Variants in SCLT1 observed in about 807,000 individuals in gnomAD.
SCLT1 encodes sodium channel-associated protein 1.
Under a neutral mutation model 112.8 loss-of-function variants are expected in SCLT1, and 78 were observed. That is an observed-to-expected ratio of 0.69 (90% CI 0.58 to 0.83). The LOEUF is 0.83. SCLT1 is among the 40% of genes least tolerant of loss of function. SCLT1 has a pLI of 0.00. For synonymous variants in SCLT1, 257 were observed against 254.7 expected, an observed-to-expected ratio of 1.01 and a Z score of -0.09; for missense variants, 747 against 770.4, an observed-to-expected ratio of 0.97 and a Z score of 0.36.
rs766401248 is a variant in SCLT1 at position 128,999,779 on chromosome 4, C to T, written c.442G>A (p.Val148Met). ...TGAGAAACAGTCTGCCAGAGTTCCACAGCCTGAGTTTTTTCCTATTAAAAA... is the reference window on the plus strand; with the variant it reads ...TGAGAAACAGTCTGCCAGAGTTCCATAGCCTGAGTTTTTTCCTATTAAAAA... ...QLANQEKTQA[V>M]ELWQTVSQEL... The change falls in exon 7 of 21, where the codon GTG (valine) becomes ATG (methionine). Residue 148 changes from valine to methionine, a missense_variant. Around this residue, in one of 2 missense-constraint regions of SCLT1, gnomAD observed 723 missense variants for 721.3 expected, o/e 1.00. Transcript: ENST00000281142. The T allele has an allele frequency of 1.9e-6, 3 of 1,598,752 alleles. No individual in the cohort carries two copies. In the Admixed American group the frequency reaches 5.2e-5, roughly 28 times the overall value.
intron 1 of SCLT1, among the ~76,000 whole-genome samples, chr4:129,086,249 C>T (rs934243145): frequency 1.3e-5 from 2 of 151,868 alleles, no homozygotes; most frequent in African/African-American, 4.8e-5. Context: ...CTTCATTCTA[C>T]AAGTACTTAT....
At chr4:129,001,565 T>G (rs1175299670) in intron 6 of SCLT1, among the ~76,000 whole-genome samples, 1 of 152,094 alleles carries the variant, frequency 6.6e-6, no homozygotes, top group South Asian at 2.1e-4. Context: ...TAGAACAAAT[T>G]CATAAAATCT....
At chr4:129,047,276 C>T (rs528038907) in intron 2 of SCLT1, among the ~76,000 whole-genome samples, 7 of 152,152 alleles carry the variant, frequency 4.6e-5, no homozygotes, top group South Asian at 4.1e-4. Context: ...GCAGAAATTA[C>T]ATATGAGAGT....
intron 2 of SCLT1, among the ~76,000 whole-genome samples, chr4:129,045,592 A>G (rs1283252284): frequency 6.6e-6 from 1 of 152,074 alleles, no homozygotes; most frequent in Non-Finnish European, 1.5e-5. Flanking sequence ...ACATGTATCA[A>G]AATATATATA....
At chr4:129,012,471 G>A (rs1744618421) in intron 5 of SCLT1, among the ~76,000 whole-genome samples, 1 of 152,208 alleles carries the variant, frequency 6.6e-6, no homozygotes, top group Admixed American at 6.5e-5. Flanking sequence ...GTGCCATGTG[G>A]TGATGAGAAG....
chr4:128,873,273 G>GAAAAAAAGAAAAAAAAAAAAAAA (rs1732335654), intron 5 of SCLT1: 4 of 78,654 alleles, frequency 5.1e-5, no homozygotes, highest in East Asian at 3.2e-4. Context: ...AAAAAAAAAA[G>GAAAAAAAGAAAAAAAAAAAAAAA]AAAAAAAGAA....
At chr4:129,035,963 C>T (rs1327066258) in intron 5 of SCLT1, among the ~76,000 whole-genome samples, 1 of 151,524 alleles carries the variant, frequency 6.6e-6, no homozygotes, top group Non-Finnish European at 1.5e-5. Context: ...TAAAATTTTT[C>T]CAAAATTCAG....
intron 5 of SCLT1, among the ~76,000 whole-genome samples, chr4:129,030,954 C>T (rs532741550): frequency 2.6e-5 from 4 of 152,002 alleles, no homozygotes; most frequent in South Asian, 4.2e-4. Context: ...GAAAGAGGGA[C>T]TCCTCCCTAA....
At position 129,076,717 on chromosome 4, in the gene SCLT1, A is replaced by T. The variant is rs367684108; in HGVS notation, c.102+5589T>A. On this transcript the variant is annotated intron_variant, in intron 2 of 20. Transcript: ENST00000281142. The stretch of plus-strand genomic sequence containing the variant: ...AAAAATGGAATAAAGGACTGGGAAA[A>T]AGGGAAATTTTCCACTAAGCTTCTT... Among the ~76,000 whole-genome samples the T allele has an allele frequency of 1.8e-4, 27 of 152,206 alleles. No homozygotes were observed. In the South Asian group the frequency reaches 5.6e-3, roughly 32 times the overall value.
chr4:128,952,199 G>GA (rs1738815871), intron 14 of SCLT1: 2 of 385,386 alleles, frequency 5.2e-6, no homozygotes, highest in Non-Finnish European at 1.0e-5. Flanking sequence ...AAGTGATACA[G>GA]GGAGTCAGAA....
intron 5 of SCLT1, among the ~76,000 whole-genome samples, chr4:129,005,448 A>T (rs1743910589): frequency 6.6e-6 from 1 of 152,204 alleles, no homozygotes; most frequent in Non-Finnish European, 1.5e-5. Context: ...GAGAAATGCA[A>T]ATCAAAACCA....
intron 14 of SCLT1, among the ~76,000 whole-genome samples, chr4:128,951,454 A>C (rs975187259): frequency 6.6e-6 from 1 of 152,168 alleles, no homozygotes; most frequent in African/African-American, 2.4e-5. Context: ...TTTTTACTCT[A>C]AAGTGAGTTT....
chr4:128,972,364 A>C (rs1319319907), intron 9 of SCLT1: 2 of 152,094 alleles, frequency 1.3e-5, no homozygotes, highest in African/African-American at 4.8e-5. Context: ...TGAACAAGTA[A>C]AAATAGATAA....
chr4:128,911,813 G>A (rs1244242936), intron 18 of SCLT1, among the ~76,000 whole-genome samples: 1 of 152,178 alleles, frequency 6.6e-6, no homozygotes, highest in Non-Finnish European at 1.5e-5. Flanking sequence ...TAGCAAATAG[G>A]TGGACAAAAG....
chr4:129,001,357 C>A (rs1226520459), intron 6 of SCLT1, among the ~76,000 whole-genome samples: 2 of 151,854 alleles, frequency 1.3e-5, no homozygotes, highest in East Asian at 3.9e-4. Flanking sequence ...GGAGGCACAG[C>A]AGAAATCCAT....
intron 17 of SCLT1, among the ~76,000 whole-genome samples, chr4:128,941,121 G>A (rs1737658276): frequency 6.6e-6 from 1 of 151,828 alleles, no homozygotes. Context: ...GGGAAAACCT[G>A]CCCCCATGAT....
chr4:128,894,363 AACACAC>A (rs10522940), intron 18 of SCLT1, among the ~76,000 whole-genome samples: 15,375 of 142,656 alleles, frequency 0.11, 1,007 homozygotes, highest in East Asian at 0.16. Flanking sequence ...TTGAGTAAGT[AACACAC>A]ACACACACAC....
At chr4:129,069,391 A>G (rs1750780047) in intron 2 of SCLT1, among the ~76,000 whole-genome samples, 1 of 152,198 alleles carries the variant, frequency 6.6e-6, no homozygotes, top group Non-Finnish European at 1.5e-5. Context: ...TGTTGATTCT[A>G]CCATCCATGA....
chr4:128,946,038 C>T lies in SCLT1; in HGVS notation c.1408G>A (p.Ala470Thr). The T allele has an allele frequency of 3.7e-6, 6 of 1,610,678 alleles. No individual in the cohort carries two copies. The highest frequency in any genetic ancestry group is 5.1e-6 in the Non-Finnish European group (6 of 1,177,756). Residue 470 changes from alanine (A) to threonine (T), a missense_variant, in exon 16 of 21, where the codon GCA becomes ACA. Transcript: ENST00000281142. ...TCAAGTTGTTTTATTCTATTTTCTG[C>T]TCTCGTAAGTCTTAGCTGAAGATCA... ...KDDLQLRLTRAENRIKQLETD... is the reference protein window; with the variant it reads ...KDDLQLRLTRTENRIKQLETD...
Sources: gnomAD v4.1 joint callset for allele counts (sites outside exome capture counted in the v4.1 genomes callset) on GRCh38, gnomAD v4.1.1 for gene constraint, gnomAD v4.1.1 regional missense constraint, MANE v1.5 for transcripts, NCBI Gene and HGNC (gene_info 2026-07-23, HGNC 2026-07-21) for gene names.